Variants in TRPC6 observed in about 807,000 individuals in gnomAD.
The protein encoded by TRPC6 is short transient receptor potential channel 6.
Under a neutral mutation model 90.7 loss-of-function variants are expected in TRPC6, and 55 were observed. That is an observed-to-expected ratio of 0.61 (90% CI 0.49 to 0.76). The LOEUF (loss-of-function observed/expected upper bound fraction) is 0.76, where lower values mean the gene tolerates loss of function less well. Among genes scored for constraint, TRPC6 ranks in the 30% least tolerant of loss-of-function variants. TRPC6 has a pLI of 0.00. For synonymous variants in TRPC6, 393 were observed against 393.0 expected (o/e 1.00, Z 0.00); for missense variants, 989 against 1,122.7 (o/e 0.88, Z 1.70).
At chr11:101,520,244 G>T (rs1055242685) in intron 1 of TRPC6, among the ~76,000 whole-genome samples, 1 of 151,900 alleles carries the variant, frequency 6.6e-6, no homozygotes, top group Non-Finnish European at 1.5e-5. Context: ...CTCACCTCCC[G>T]CTTCACCCTC....
intron 2 of TRPC6, among the ~76,000 whole-genome samples, chr11:101,498,815 T>C (rs1860017421): frequency 6.6e-6 from 1 of 152,136 alleles, no homozygotes; most frequent in Non-Finnish European, 1.5e-5. Flanking sequence ...TGAAAATACA[T>C]CTTTTGCTCG....
intron 1 of TRPC6, among the ~76,000 whole-genome samples, chr11:101,575,957 C>T (rs1171868639): frequency 6.6e-6 from 1 of 152,002 alleles, no homozygotes; most frequent in East Asian, 1.9e-4. Flanking sequence ...GAGCATAATC[C>T]ACCTGTATCC....
intron 1 of TRPC6, among the ~76,000 whole-genome samples, chr11:101,571,631 T>C (rs1861967214): frequency 6.6e-6 from 1 of 152,276 alleles, no homozygotes; most frequent in Non-Finnish European, 1.5e-5. Context: ...ACTACAAGGC[T>C]ACAGTAACCA....
intron 10 of TRPC6, among the ~76,000 whole-genome samples, chr11:101,466,772 CA>C (rs970012452): frequency 2.0e-5 from 3 of 151,940 alleles, no homozygotes; most frequent in Admixed American, 1.3e-4. Context: ...AACAAACAAA[CA>C]AAAAAAACTC....
chr11:101,471,494 A>C, intron 8 of TRPC6, 108 bp from the exon 9 acceptor site: 2 of 1,139,806 alleles, frequency 1.8e-6, no homozygotes, highest in Non-Finnish European at 2.6e-6. Flanking sequence ...AAACACTCTC[A>C]GACCCCAGTG....
At chr11:101,548,474 A>C (rs201075265) in intron 1 of TRPC6, among the ~76,000 whole-genome samples, 6,023 of 67,188 alleles carry the variant, frequency 0.09, 185 homozygotes, top group African/African-American at 0.18. Context: ...ATATATATAT[A>C]TATCTCTCTC....
chr11:101,540,900 T>A (rs1861153765), intron 1 of TRPC6, among the ~76,000 whole-genome samples: 1 of 152,148 alleles, frequency 6.6e-6, no homozygotes, highest in South Asian at 2.1e-4. Flanking sequence ...AAATATAACC[T>A]ACACAAAAAC....
intron 10 of TRPC6, among the ~76,000 whole-genome samples, chr11:101,461,821 T>C (rs910061738): frequency 9.9e-5 from 15 of 152,174 alleles, no homozygotes; most frequent in Admixed American, 2.0e-4. Flanking sequence ...AGTTTGCCTC[T>C]TCCTGGTCTG....
intron 1 of TRPC6, among the ~76,000 whole-genome samples, chr11:101,579,998 A>G (rs1838423898): frequency 6.6e-6 from 1 of 152,074 alleles, no homozygotes; most frequent in Admixed American, 6.6e-5. Context: ...TTTATTTTTC[A>G]CAAAATTGGG....
chr11:101,471,215 T>C lies in TRPC6; in HGVS notation c.2377A>G (p.Lys793Glu). 1.9e-6 allele frequency: 3 copies of C among 1,613,950 alleles called. No individual in the cohort carries two copies. The highest frequency in any genetic ancestry group is 2.5e-6 in the Non-Finnish European group (3 of 1,179,834). Residue 793 changes from lysine (K) to glutamate (E), a missense_variant, in exon 9 of 13, where the codon AAA (lysine) becomes GAA (glutamate). Transcript: ENST00000344327. ...ATCTCTGCATCTTCCTGGAAACCTTTTTTATGGCCCTGGAACAGCTCAGAA... is the reference window on the plus strand; with the variant it reads ...ATCTCTGCATCTTCCTGGAAACCTTCTTTATGGCCCTGGAACAGCTCAGAA... ...WISELFQGHKKGFQEDAEMNK... is the reference protein window; with the variant it reads ...WISELFQGHKEGFQEDAEMNK...
At chr11:101,499,676 T>C (rs566967166) in intron 2 of TRPC6, among the ~76,000 whole-genome samples, 1 of 137,076 alleles carries the variant, frequency 7.3e-6, no homozygotes, top group East Asian at 2.2e-4. Context: ...TGTGTATATA[T>C]ATATACACAA....
At chr11:101,531,981 A>G (rs1860921709) in intron 1 of TRPC6, among the ~76,000 whole-genome samples, 1 of 152,168 alleles carries the variant, frequency 6.6e-6, no homozygotes, top group Non-Finnish European at 1.5e-5. Flanking sequence ...GTTTCCAGGC[A>G]TGGCAAGAAG....
At chr11:101,537,568 C>T (rs1861079843) in intron 1 of TRPC6, among the ~76,000 whole-genome samples, 1 of 152,176 alleles carries the variant, frequency 6.6e-6, no homozygotes, top group Admixed American at 6.5e-5. Flanking sequence ...ATCTGGGGCA[C>T]ATTTTCTAGA....
At chr11:101,525,686 G>T (rs1460148114) in intron 1 of TRPC6, among the ~76,000 whole-genome samples, 3 of 152,282 alleles carry the variant, frequency 2.0e-5, no homozygotes, top group African/African-American at 7.2e-5. Flanking sequence ...AGTACAACAG[G>T]GTAGCTAGAG....
intron 1 of TRPC6, among the ~76,000 whole-genome samples, chr11:101,577,316 T>C (rs1303749615): frequency 3.8e-5 from 5 of 130,364 alleles, no homozygotes; most frequent in Non-Finnish European, 3.7e-5. Flanking sequence ...ATTCAATAAA[T>C]ATGTCTTGTT....
intron 5 of TRPC6, among the ~76,000 whole-genome samples, chr11:101,482,523 A>G (rs960203743): frequency 1.3e-5 from 2 of 152,238 alleles, no homozygotes; most frequent in African/African-American, 2.4e-5. Flanking sequence ...GATGTATATA[A>G]AGTGCTTGGA....
At chr11:101,524,350 G>T (rs867517336) in intron 1 of TRPC6, among the ~76,000 whole-genome samples, 1 of 152,132 alleles carries the variant, frequency 6.6e-6, no homozygotes, top group Non-Finnish European at 1.5e-5. Context: ...CCAGGTTCAC[G>T]CCATTCTACT....
intron 2 of TRPC6, among the ~76,000 whole-genome samples, chr11:101,499,257 AG>A (rs1454551377): frequency 6.6e-6 from 1 of 152,124 alleles, no homozygotes; most frequent in Non-Finnish European, 1.5e-5. Context: ...TATCTCAAAC[AG>A]GCAAGGCAGA....
At chr11:101,521,950 CT>C (rs1860672920) in intron 1 of TRPC6, among the ~76,000 whole-genome samples, 1 of 152,166 alleles carries the variant, frequency 6.6e-6, no homozygotes, top group South Asian at 2.1e-4. Flanking sequence ...AAGTAAGTAA[CT>C]TTTTGTTTAC....
Sources: gnomAD v4.1 joint callset for allele counts (sites outside exome capture counted in the v4.1 genomes callset) on GRCh38, gnomAD v4.1.1 for gene constraint, MANE v1.5 for transcripts, NCBI Gene and HGNC (gene_info 2026-07-23, HGNC 2026-07-21) for gene names.